The following AKT3 variants were observed in gnomAD, a reference collection of about 807,000 sequenced individuals.
The protein encoded by AKT3 is AKT serine/threonine kinase 3, also known as RAC-gamma serine/threonine-protein kinase.
A neutral mutation model predicts 65.3 loss-of-function variants in AKT3; 15 were observed. That is an observed-to-expected ratio of 0.23 (90% confidence interval 0.15 to 0.35). AKT3 has a LOEUF of 0.35. Ranked by LOEUF, AKT3 falls within the 10% of genes least tolerant of loss-of-function variation. The pLI, the probability that AKT3 is intolerant of heterozygous loss-of-function variation, is 1.00. For synonymous variants in AKT3, 206 were observed against 183.8 expected (o/e 1.12, Z -0.98); for missense variants, 243 against 576.5 (o/e 0.42, Z 5.92).
At position 243,598,164 on chromosome 1, in the gene AKT3, T is replaced by C. The variant is rs115956152; in HGVS notation, c.696+15507A>G. Among the ~76,000 whole-genome samples the C allele has an allele frequency of 4.8e-3, 735 of 152,266 alleles. 9 individuals carry two copies. The highest frequency in any genetic ancestry group is 0.017 in the African/African-American group (697 of 41,558). ...TGACACATATTATATTCTTCATAAA[T>C]ATGTATTGCAAAAAATAAAATTAAA... On this transcript the variant is annotated intron_variant, in intron 8 of 13. Coordinates refer to ENST00000673466, the MANE Select transcript of AKT3 (RefSeq NM_005465.7).
At chr1:243,589,161 C>G (rs1160064200) in intron 8 of AKT3, among the ~76,000 whole-genome samples, 1 of 151,528 alleles carries the variant, frequency 6.6e-6, no homozygotes, top group Non-Finnish European at 1.5e-5. Context: ...CAAAAATCAG[C>G]CAGGCGTGGT....
At chr1:243,805,108 G>C (rs1051464348) in intron 2 of AKT3, among the ~76,000 whole-genome samples, 1 of 152,100 alleles carries the variant, frequency 6.6e-6, no homozygotes, top group Admixed American at 6.5e-5. Context: ...AAATAGAAGA[G>C]GAAGTTCTAA....
intron 4 of AKT3, among the ~76,000 whole-genome samples, chr1:243,653,541 T>C (rs1681536810): frequency 6.6e-6 from 1 of 152,188 alleles, no homozygotes; most frequent in Non-Finnish European, 1.5e-5. Context: ...TCCTGATCAA[T>C]GTACCATGCT....
At chr1:243,811,372 T>C (rs1373277678) in intron 2 of AKT3, among the ~76,000 whole-genome samples, 9 of 152,126 alleles carry the variant, frequency 5.9e-5, no homozygotes, top group Non-Finnish European at 1.2e-4. Context: ...CATTCTTATA[T>C]ACCAATAATA....
chr1:243,839,865 T>G (rs1490081929), intron 2 of AKT3, among the ~76,000 whole-genome samples: 1 of 135,676 alleles, frequency 7.4e-6, no homozygotes, highest in African/African-American at 2.8e-5. Context: ...TGACTCCATC[T>G]CAAAAAAAAA....
At chr1:243,563,961 T>C (rs771445519) in intron 9 of AKT3, 113 bp from the exon 10 acceptor site, 259 of 1,018,308 alleles carry the variant, frequency 2.5e-4, no homozygotes, top group Non-Finnish European at 3.3e-4. Flanking sequence ...AGGACATAGT[T>C]GTAGCTAATA....
downstream of AKT3, among the ~76,000 whole-genome samples, chr1:243,498,071 G>T (rs1452584061): frequency 6.6e-6 from 1 of 152,204 alleles, no homozygotes; most frequent in African/African-American, 2.4e-5. Flanking sequence ...AAGCCACTGT[G>T]TCAAGAGCGA....
intron 2 of AKT3, among the ~76,000 whole-genome samples, chr1:243,839,441 C>T (rs1186108544): frequency 6.6e-6 from 1 of 152,170 alleles, no homozygotes; most frequent in Non-Finnish European, 1.5e-5. Flanking sequence ...AGGAGGAAAA[C>T]GCAGACAATA....
At chr1:243,607,775 G>A (rs969811665) in intron 8 of AKT3, among the ~76,000 whole-genome samples, 2 of 152,128 alleles carry the variant, frequency 1.3e-5, no homozygotes, top group Admixed American at 1.3e-4. Context: ...TTGAATTGTA[G>A]CTCCCAAAAT....
chr1:243,725,370 T>C (rs1374181119), intron 2 of AKT3, among the ~76,000 whole-genome samples: 5 of 152,114 alleles, frequency 3.3e-5, no homozygotes, highest in Non-Finnish European at 5.9e-5. Context: ...GAGTAGGACT[T>C]CACCAGTGAC....
intron 2 of AKT3, among the ~76,000 whole-genome samples, chr1:243,767,722 G>T (rs1012780380): frequency 6.6e-6 from 1 of 152,102 alleles, no homozygotes; most frequent in Non-Finnish European, 1.5e-5. Context: ...TGGATATATA[G>T]ATAAAATAAG....
Position 243,637,607 on chromosome 1 carries a change from T to C in AKT3, c.561+4A>G. On this transcript the variant is annotated splice_donor_region_variant and intron_variant, in intron 6 of 13. Coordinates refer to ENST00000673466, the MANE Select transcript of AKT3 (RefSeq NM_005465.7). ...TTAGTAATCAACTTTAATAAATCAG[T>C]TACCTTTGCAATAATGACTTCTTTC... is the stretch of plus-strand genomic sequence containing the variant. 6.3e-7 allele frequency: 1 copy of C among 1,587,318 alleles called. No individual in the cohort carries two copies. The highest frequency in any genetic ancestry group is 8.6e-7 in the Non-Finnish European group (1 of 1,168,580).
Position 243,503,415 on chromosome 1 carries a change from A to C in AKT3, c.*1834T>G, listed in dbSNP as rs957750741. On this transcript the variant is annotated 3_prime_UTR_variant, in exon 14 of 14. Coordinates refer to ENST00000673466, the MANE Select transcript of AKT3 (RefSeq NM_005465.7). ...TTGCTCTTTCATACAATGCAATCAT[A>C]ATACTACGTCATGCTGTAGTCTTCC... The C allele has an allele frequency of 8.6e-6, 2 of 233,446 alleles. No individual in the cohort carries two copies. Among genetic ancestry groups the C allele is most frequent in the African/African-American group, 4.4e-5 (2 of 45,324 alleles). 14.5% of individuals were successfully genotyped at this position (233,446 alleles called of 1,614,324 possible). A position where few individuals can be genotyped will look rare whatever the true frequency, so the allele number is the denominator to read the frequency against.
At chr1:243,490,263 C>T (rs1666074815) in intron 13 of AKT3, among the ~76,000 whole-genome samples, 3 of 152,236 alleles carry the variant, frequency 2.0e-5, no homozygotes, top group Admixed American at 1.3e-4. Context: ...GAGCTAAGGC[C>T]TGGAGGTGGA....
intron 2 of AKT3, among the ~76,000 whole-genome samples, chr1:243,781,058 ACTCCTACACT>A (rs970733828): frequency 2.4e-4 from 36 of 152,114 alleles, no homozygotes; most frequent in African/African-American, 7.2e-4. Context: ...TCTATGGCAT[ACTCCTACACT>A]CTTGGTAACT....
At chr1:243,799,098 C>G (rs1692225131) in intron 2 of AKT3, among the ~76,000 whole-genome samples, 1 of 152,110 alleles carries the variant, frequency 6.6e-6, no homozygotes, top group African/African-American at 2.4e-5. Flanking sequence ...ACTAGATCCT[C>G]ATTTATCTTT....
chr1:243,850,584 CGATCGGTTCTCGCCGTCGCCGCG>C (rs1227228370), upstream of AKT3, among the ~76,000 whole-genome samples: 1 of 151,302 alleles, frequency 6.6e-6, no homozygotes. Context: ...GGGCCGCCGC[CGATCGGTTCTCGCCGTCGCCGCG>C]GGGCTTGTTG....
chr1:243,686,651 A>ATAT (rs1475559883), intron 3 of AKT3, among the ~76,000 whole-genome samples: 1 of 23,522 alleles, frequency 4.3e-5, no homozygotes, highest in Non-Finnish European at 7.6e-5. Flanking sequence ...ATATATATAT[A>ATAT]TTTTTTTTTT....
In AKT3 at chr1:243,607,653, A is replaced by T. The variant is rs376548989; in HGVS notation, c.696+6018T>A. Reference sequence around the variant, plus strand: ...TGGGATATTGCTGAAATGAATTAAGACTTTAAGGGACTGTTGGAAAGGCAT... The same window carrying T: ...TGGGATATTGCTGAAATGAATTAAGTCTTTAAGGGACTGTTGGAAAGGCAT... On this transcript the variant is annotated intron_variant, in intron 8 of 13. Coordinates refer to ENST00000673466, the MANE Select transcript of AKT3 (RefSeq NM_005465.7). 2.0e-5 allele frequency among the ~76,000 whole-genome samples: 3 copies of T among 152,052 alleles called. No individual in the cohort carries two copies. The East Asian group carries it at 5.8e-4, about 29-fold the overall frequency.
Sources: allele counts gnomAD v4.1 joint callset (sites outside exome capture counted in the v4.1 genomes callset), GRCh38; gene constraint gnomAD v4.1.1; transcripts MANE v1.5; gene names NCBI Gene and HGNC (gene_info 2026-07-23, HGNC 2026-07-21).